The following MAGEB2 variants were observed in gnomAD, a reference collection of about 807,000 sequenced individuals.
MAGEB2 encodes the protein melanoma-associated antigen B2.
For missense variants in MAGEB2, 365 were observed against 243.2 expected (o/e 1.50, Z -3.33); for synonymous variants, 107 against 96.2 (o/e 1.11, Z -0.66).
chrX:30,217,079 C>T (rs892255585), intron 1 of MAGEB2, among the ~76,000 whole-genome samples: 3 of 110,874 alleles, frequency 2.7e-5, no homozygotes, highest in Non-Finnish European at 5.7e-5. Context: ...CCATCAGTTC[C>T]CACTCAAGGG....
intron 1 of MAGEB2, 88 bp from the exon 2 acceptor site, chrX:30,218,488 C>G (rs1247582833): frequency 9.0e-7 from 1 of 1,109,111 alleles, no homozygotes; most frequent in Non-Finnish European, 1.2e-6. Flanking sequence ...ATGGGGTCTT[C>G]CAGCTGAAGG....
intron 1 of MAGEB2, 46 bp from the exon 2 acceptor site, chrX:30,218,530 T>C (rs777521213): frequency 8.6e-7 from 1 of 1,158,474 alleles, no homozygotes; most frequent in Non-Finnish European, 1.2e-6. Flanking sequence ...CATCTCCAGG[T>C]ATACTAACCA....
chrX:30,218,782 A>G lies in MAGEB2; in HGVS notation c.202A>G (p.Thr68Ala). The G allele has an allele frequency of 1.7e-6, 2 of 1,190,440 alleles. No homozygotes were observed. Among genetic ancestry groups the G allele is most frequent in the Non-Finnish European group, 2.3e-6 (2 of 884,351 alleles). ...CCAGGAGCCTCAGAGAGCCCCAACC[A>G]CTGCCGCTGCTGCGGCTGCGGGTGT... ...IPQEPQRAPT[T>A]AAAAAAGVSS... The change falls in exon 2 of 2, where the codon ACT becomes GCT. Residue 68 changes from threonine (T) to alanine (A), a missense_variant. Coordinates refer to ENST00000378988, the MANE Select transcript of MAGEB2 (RefSeq NM_002364.5).
intron 1 of MAGEB2, among the ~76,000 whole-genome samples, chrX:30,217,085 A>C (rs1248624683): frequency 9.0e-6 from 1 of 111,076 alleles, no homozygotes; most frequent in Non-Finnish European, 1.9e-5. Context: ...GTTCCCACTC[A>C]AGGGTAACAG....
At position 30,219,772 on chromosome X, in the gene MAGEB2, A is replaced by G; in HGVS notation, c.*232A>G. On this transcript the variant is annotated 3_prime_UTR_variant, in exon 2 of 2. Coordinates refer to ENST00000378988, the MANE Select transcript of MAGEB2 (RefSeq NM_002364.5). ...TTATTTAGATTCAGAATGTAAATTT[A>G]CAAATGATATAGATCACCCTGTTAT... The G allele has an allele frequency of 3.2e-6, 1 of 314,403 alleles. No homozygotes were observed. Among genetic ancestry groups the G allele is most frequent in the Non-Finnish European group, 5.7e-6 (1 of 174,021 alleles). The allele number at this position is 314,403 out of a possible 1,213,427, so 25.9% of individuals were successfully genotyped here. A position where few individuals can be genotyped will look rare whatever the true frequency, so the allele number is the denominator to read the frequency against.
At chrX:30,217,168 G>T (rs1188009745) in intron 1 of MAGEB2, among the ~76,000 whole-genome samples, 3 of 111,741 alleles carry the variant, frequency 2.7e-5, no homozygotes, top group African/African-American at 9.8e-5. Context: ...GTCCATTCTG[G>T]CATTACTATA....
Position 30,219,175 on chromosome X carries a change from C to A in MAGEB2, c.595C>A (p.Pro199Thr), listed in dbSNP as rs45513291. 8.3e-6 allele frequency: 10 copies of A among 1,208,700 alleles called. No homozygotes were observed. The highest frequency in any genetic ancestry group is 1.0e-5 in the Non-Finnish European group (9 of 894,576). ...ATCCCTGCTCAGTTCCTGGGACTTT[C>A]CCAGGAGAAAGCTTCTGATGCCTCT... ...EESLLSSWDF[P>T]RRKLLMPLLG... Residue 199 changes from proline to threonine, a missense_variant, in exon 2 of 2, where the codon CCC (proline) becomes ACC (threonine). Transcript: ENST00000378988.
At chrX:30,215,903 G>A (rs1246896123) in intron 1 of MAGEB2, among the ~76,000 whole-genome samples, 5 of 111,107 alleles carry the variant, frequency 4.5e-5, no homozygotes, top group Non-Finnish European at 9.4e-5. Context: ...AAATCAATTT[G>A]AGGGCCCTAA....
intron 1 of MAGEB2, among the ~76,000 whole-genome samples, chrX:30,216,977 A>T (rs1924424204): frequency 9.2e-6 from 1 of 109,105 alleles, no homozygotes; most frequent in Non-Finnish European, 1.9e-5. Context: ...TGACGACTGC[A>T]GGGGGCTCCC....
rs893248146 is a variant in MAGEB2, at chrX:30,218,833, G to A, written c.253G>A (p.Ala85Thr). The change falls in exon 2 of 2, where the codon GCC (alanine) becomes ACC (threonine). Residue 85 changes from alanine (A) to threonine (T), a missense_variant. By Grantham distance (58) the Ala-to-Thr change is moderately conservative. Coordinates refer to ENST00000378988, the MANE Select transcript of MAGEB2 (RefSeq NM_002364.5). ...TTCATCCACAAAATCTAAAAAAGGT[G>A]CCAAGAGCCACCAAGGTGAGAAAAA... ...GVSSTKSKKG[A>T]KSHQGEKNAS... The A allele has an allele frequency of 6.7e-6, 8 of 1,193,831 alleles. No homozygotes were observed. Among genetic ancestry groups the A allele is most frequent in the South Asian group, 1.8e-5 (1 of 54,682 alleles).
intron 1 of MAGEB2, among the ~76,000 whole-genome samples, chrX:30,217,241 T>G (rs1243122978): frequency 8.9e-6 from 1 of 112,055 alleles, no homozygotes; most frequent in African/African-American, 3.3e-5. Flanking sequence ...TTCTGCAGGC[T>G]GTACAGGAAG....
intron 1 of MAGEB2, among the ~76,000 whole-genome samples, chrX:30,218,335 T>G (rs1276484587): frequency 8.9e-6 from 1 of 111,761 alleles, no homozygotes. Flanking sequence ...CAGAATGCAG[T>G]CTGAAACTCA....
In MAGEB2 at chrX:30,219,837, G is replaced by A; in HGVS notation, c.*297G>A. On this transcript the variant is annotated 3_prime_UTR_variant, in exon 2 of 2. Transcript: ENST00000378988. ...GACAGTAGAAAGTGTTTTGTTTTTTGAGTGAAACAACTTATTAATAAAAAT... is the reference window on the plus strand; with the variant it reads ...GACAGTAGAAAGTGTTTTGTTTTTTAAGTGAAACAACTTATTAATAAAAAT... 5.0e-6 allele frequency: 1 copy of A among 198,561 alleles called. No homozygotes were observed. The highest frequency in any genetic ancestry group is 9.8e-6 in the Non-Finnish European group (1 of 102,301). The allele number at this position is 198,561 out of a possible 1,213,427, so 16.4% of individuals were successfully genotyped here.
rs373920316 is a variant in MAGEB2 at position 30,218,614 on chromosome X, C to A, written c.34C>A (p.Arg12Ser). ...TGGTCAGAAGAGTAAGCTCCGTGCC[C>A]GTGAGAAACGCCGCAAGGCCCGAGA... ...PRGQKSKLRAREKRRKARDET... is the reference protein window; with the variant it reads ...PRGQKSKLRASEKRRKARDET... The change falls in exon 2 of 2, where the codon CGT becomes AGT. Residue 12 changes from arginine (R) to serine (S), a missense_variant. Physicochemically the swap from Arg to Ser is moderately radical, Grantham distance 110. Transcript: ENST00000378988. 36 of 1,208,797 alleles carry A rather than the reference C, an allele frequency of 3.0e-5. No homozygotes were observed. The highest frequency in any genetic ancestry group is 3.8e-5 in the Non-Finnish European group (34 of 894,568).
At position 30,218,623 on chromosome X, in the gene MAGEB2, C is replaced by T. The variant is rs747224013; in HGVS notation, c.43C>T (p.Arg15Cys). The T allele has an allele frequency of 5.6e-5, 68 of 1,208,787 alleles. No homozygotes were observed. Among genetic ancestry groups the T allele is most frequent in the Non-Finnish European group, 6.6e-5 (59 of 894,591 alleles). The change falls in exon 2 of 2, where the codon CGC becomes TGC. Residue 15 changes from arginine (R) to cysteine (C), a missense_variant. Coordinates refer to ENST00000378988, the MANE Select transcript of MAGEB2 (RefSeq NM_002364.5). ...QKSKLRAREK[R>C]RKARDETRGL... ...GAGTAAGCTCCGTGCCCGTGAGAAACGCCGCAAGGCCCGAGATGAGACCCG... is the reference window on the plus strand; with the variant it reads ...GAGTAAGCTCCGTGCCCGTGAGAAATGCCGCAAGGCCCGAGATGAGACCCG...
chrX:30,219,339 G>A lies in MAGEB2; in HGVS notation c.759G>A (p.Val253=). Residue 253 remains valine (V), a synonymous_variant, in exon 2 of 2, where the codon GTG becomes GTA. Coordinates refer to ENST00000378988, the MANE Select transcript of MAGEB2 (RefSeq NM_002364.5). ...EPWKLITKDL[V]QEKYLEYKQV... ...GGAAGCTCATCACCAAAGATCTGGTGCAGGAAAAATATCTGGAGTACAAGC... is the reference window on the plus strand; with the variant it reads ...GGAAGCTCATCACCAAAGATCTGGTACAGGAAAAATATCTGGAGTACAAGC... The A allele has an allele frequency of 8.3e-7, 1 of 1,211,842 alleles. No homozygotes were observed. The highest frequency in any genetic ancestry group is 3.0e-5 in the East Asian group (1 of 33,869).
At chrX:30,217,426 A>G (rs1924434092) in intron 1 of MAGEB2, among the ~76,000 whole-genome samples, 1 of 111,698 alleles carries the variant, frequency 9.0e-6, no homozygotes, top group East Asian at 2.8e-4. Context: ...GTTAAGGGGA[A>G]TGGTGCTAAA....
intron 1 of MAGEB2, 144 bp from the exon 2 acceptor site, chrX:30,218,431 GC>G: frequency 1.2e-6 from 1 of 824,451 alleles, no homozygotes. Context: ...CTAGAACAGT[GC>G]CTTCAGGGAA....
chrX:30,219,008 A>G lies in MAGEB2; in HGVS notation c.428A>G (p.Lys143Arg), dbSNP rs951852677. The G allele has an allele frequency of 5.0e-6, 6 of 1,211,062 alleles. No individual in the cohort carries two copies. The Middle Eastern group carries it at 9.2e-4, about 186-fold the overall frequency. The change falls in exon 2 of 2, where the codon AAA becomes AGA. Residue 143 changes from lysine to arginine, a missense_variant. Lys to Arg is a conservative substitution (Grantham distance 26). Transcript: ENST00000378988. ...TKGEMLKIVGKRFREHFPEIL... is the reference protein window; with the variant it reads ...TKGEMLKIVGRRFREHFPEIL... ...GGAGAAATGCTGAAAATTGTTGGCAAAAGGTTCAGGGAGCACTTCCCTGAG... is the reference window on the plus strand; with the variant it reads ...GGAGAAATGCTGAAAATTGTTGGCAGAAGGTTCAGGGAGCACTTCCCTGAG...
Sources: gnomAD v4.1 joint callset for allele counts (sites outside exome capture counted in the v4.1 genomes callset) on GRCh38, gnomAD v4.1.1 for gene constraint, MANE v1.5 for transcripts, NCBI Gene and HGNC (gene_info 2026-07-23, HGNC 2026-07-21) for gene names.